Variants in MDFIC2 observed in about 807,000 individuals in gnomAD.
MDFIC2 encodes the protein myoD family inhibitor domain-containing protein 2.
intron 2 of MDFIC2, among the ~76,000 whole-genome samples, chr3:70,286,633 T>C (rs1373356635): frequency 6.6e-6 from 1 of 152,086 alleles, no homozygotes; most frequent in Non-Finnish European, 1.5e-5. Flanking sequence ...GCATTGAATC[T>C]GTAAATTACC....
At chr3:70,204,046 C>A (rs1701267744) in intron 3 of MDFIC2, among the ~76,000 whole-genome samples, 1 of 152,134 alleles carries the variant, frequency 6.6e-6, no homozygotes, top group Non-Finnish European at 1.5e-5. Flanking sequence ...AGAGCACACA[C>A]CATGAACTGT....
At chr3:70,278,768 C>G (rs1466359915) in intron 2 of MDFIC2, among the ~76,000 whole-genome samples, 2 of 152,072 alleles carry the variant, frequency 1.3e-5, no homozygotes, top group Admixed American at 1.3e-4. Flanking sequence ...CAAGTAATAA[C>G]TAGGAGGCCT....
intron 2 of MDFIC2, among the ~76,000 whole-genome samples, chr3:70,267,576 GTATTT>G (rs1701929952): frequency 2.0e-5 from 2 of 98,656 alleles, no homozygotes; most frequent in Admixed American, 2.0e-4. Flanking sequence ...CTAATTTTTT[GTATTT>G]TTTTTTTTTT....
intron 2 of MDFIC2, among the ~76,000 whole-genome samples, chr3:70,294,443 AC>A (rs1481674377): frequency 6.6e-6 from 1 of 152,114 alleles, no homozygotes; most frequent in Non-Finnish European, 1.5e-5. Flanking sequence ...GGAATAAGAA[AC>A]CATATATTCC....
chr3:70,292,731 A>C (rs1205090760), intron 2 of MDFIC2, among the ~76,000 whole-genome samples: 2 of 152,116 alleles, frequency 1.3e-5, no homozygotes, highest in Non-Finnish European at 2.9e-5. Context: ...CTTTGATCAC[A>C]CACACACACA....
rs1701295098 is a variant in MDFIC2 at position 70,206,759 on chromosome 3, A to G, written c.120T>C (p.Asp40=). 1 of 397,686 alleles carries G rather than the reference A, an allele frequency of 2.5e-6. No homozygotes were observed. The highest frequency in any genetic ancestry group is 4.4e-5 in the Admixed American group (1 of 22,656). 24.6% of individuals were successfully genotyped at this position (397,686 alleles called of 1,614,324 possible). A position where few individuals can be genotyped will look rare whatever the true frequency, so the allele number is the denominator to read the frequency against. The change falls in exon 3 of 4, where the codon GAT becomes GAC. Residue 40 remains aspartate (D), a synonymous_variant. Coordinates refer to ENST00000567252, the MANE Select transcript of MDFIC2 (RefSeq NM_001364677.1). Reference sequence around the variant, plus strand: ...TAACAATAGCATTAATGGGTTTCTCATCTGCATGCTTTGCATTCGTGAGTT... The same window carrying G: ...TAACAATAGCATTAATGGGTTTCTCGTCTGCATGCTTTGCATTCGTGAGTT... The part of the protein sequence containing the change: ...DTQLTNAKHA[D]EKPINAIVIN...
chr3:70,279,836 G>T lies in MDFIC2; in HGVS notation c.88+32050C>A, dbSNP rs539249083. 3.3e-5 allele frequency among the ~76,000 whole-genome samples: 5 copies of T among 152,238 alleles called. No homozygotes were observed. In the East Asian group the frequency reaches 9.7e-4, roughly 29 times the overall value. ...ATCTTTTGGAGAAGTCTCCTGGGCT[G>T]CACAACTACACCTGCCAAACCACCT... is the stretch of plus-strand genomic sequence containing the variant. On this transcript the variant is annotated intron_variant, in intron 2 of 3. Transcript: ENST00000567252.
intron 2 of MDFIC2, among the ~76,000 whole-genome samples, chr3:70,216,208 A>G (rs1701410440): frequency 6.6e-6 from 1 of 150,586 alleles, no homozygotes; most frequent in African/African-American, 2.4e-5. Flanking sequence ...TTCTAATTCT[A>G]CTTTATATAT....
At chr3:70,304,115 A>G (rs990270752) in intron 2 of MDFIC2, among the ~76,000 whole-genome samples, 3 of 152,104 alleles carry the variant, frequency 2.0e-5, no homozygotes, top group African/African-American at 7.2e-5. Context: ...GAAAGGCTCT[A>G]GGGCCTGCTT....
chr3:70,277,160 A>T (rs566225402), intron 2 of MDFIC2, among the ~76,000 whole-genome samples: 15 of 152,298 alleles, frequency 9.8e-5, no homozygotes, highest in African/African-American at 3.6e-4. Context: ...AACTTTCCTG[A>T]TAGGCTCCTA....
chr3:70,253,212 C>T (rs796111720), intron 2 of MDFIC2, among the ~76,000 whole-genome samples: 1 of 152,128 alleles, frequency 6.6e-6, no homozygotes, highest in East Asian at 1.9e-4. Flanking sequence ...TAGGGTCAGT[C>T]CTTACTGAGA....
intron 2 of MDFIC2, among the ~76,000 whole-genome samples, chr3:70,251,083 A>G (rs1701762301): frequency 6.6e-6 from 1 of 152,112 alleles, no homozygotes; most frequent in South Asian, 2.1e-4. Flanking sequence ...ATTAAACCAA[A>G]CTCGTAATAC....
intron 2 of MDFIC2, among the ~76,000 whole-genome samples, chr3:70,210,263 C>T (rs760098064): frequency 1.3e-5 from 2 of 152,116 alleles, no homozygotes; most frequent in African/African-American, 2.4e-5. Context: ...TAGGCTTGTA[C>T]TGAGAGAATT....
At chr3:70,238,372 G>T (rs1365827640) in intron 2 of MDFIC2, among the ~76,000 whole-genome samples, 1 of 152,020 alleles carries the variant, frequency 6.6e-6, no homozygotes, top group East Asian at 1.9e-4. Context: ...TTTTGGGGAG[G>T]CTGAGGCAAG....
At chr3:70,241,379 C>T (rs1701666338) in intron 2 of MDFIC2, among the ~76,000 whole-genome samples, 1 of 152,092 alleles carries the variant, frequency 6.6e-6, no homozygotes, top group Non-Finnish European at 1.5e-5. Flanking sequence ...TATATGCATT[C>T]ATATTTTGAG....
intron 2 of MDFIC2, among the ~76,000 whole-genome samples, chr3:70,279,365 A>G (rs750453686): frequency 6.6e-5 from 10 of 152,124 alleles, no homozygotes; most frequent in Non-Finnish European, 1.3e-4. Context: ...ATTCGATTCC[A>G]ATGGTCATTT....
intron 2 of MDFIC2, among the ~76,000 whole-genome samples, chr3:70,256,140 T>TC (rs1220032780): frequency 3.3e-5 from 5 of 152,228 alleles, no homozygotes; most frequent in Non-Finnish European, 7.3e-5. Flanking sequence ...TCTATTGCTT[T>TC]CCCCATGGTT....
chr3:70,299,883 A>C (rs1163689819), intron 2 of MDFIC2, among the ~76,000 whole-genome samples: 1 of 151,950 alleles, frequency 6.6e-6, no homozygotes, highest in Non-Finnish European at 1.5e-5. Flanking sequence ...CTAACGTTAA[A>C]AGTCCTTCAT....
intron 2 of MDFIC2, among the ~76,000 whole-genome samples, chr3:70,303,462 A>T (rs1410976039): frequency 6.6e-6 from 1 of 152,140 alleles, no homozygotes; most frequent in Non-Finnish European, 1.5e-5. Flanking sequence ...AATGTATTAT[A>T]TCTTGCTCTT....
Sources: gnomAD v4.1 joint callset for allele counts (sites outside exome capture counted in the v4.1 genomes callset) on GRCh38, gnomAD v4.1.1 for gene constraint, MANE v1.5 for transcripts, NCBI Gene and HGNC (gene_info 2026-07-23, HGNC 2026-07-21) for gene names.